HDX: variants seen among roughly 807,000 people sequenced by gnomAD.
HDX encodes highly divergent homeobox.
In HDX, 19 loss-of-function variants were observed where a neutral mutation model predicts 45.2. The observed-to-expected ratio is 0.42, with a 90% CI of 0.29 to 0.62. The LOEUF (loss-of-function observed/expected upper bound fraction) is 0.62. Ranked by LOEUF, HDX falls within the 20% of genes least tolerant of loss-of-function variation. The pLI, the probability that HDX is intolerant of heterozygous loss-of-function variation, is 0.20. For missense variants in HDX, 532 were observed against 493.9 expected (o/e 1.08, Z -0.73); for synonymous variants, 188 against 172.8 (o/e 1.09, Z -0.69).
chrX:84,428,492 G>A (rs759428774), intron 5 of HDX, among the ~76,000 whole-genome samples: 6 of 110,321 alleles, frequency 5.4e-5, no homozygotes, highest in South Asian at 3.7e-4. Context: ...TTTGTCTTTC[G>A]CGGACATTTT....
chrX:84,448,398 TG>T (rs200049798), intron 4 of HDX, among the ~76,000 whole-genome samples: 2,342 of 110,808 alleles, frequency 0.021, 26 homozygotes, highest in Middle Eastern at 0.069. Flanking sequence ...TATACTGCCC[TG>T]GGGCCCAAGG....
chrX:84,322,291 T>G (rs759464264), intron 10 of HDX, among the ~76,000 whole-genome samples: 2 of 110,816 alleles, frequency 1.8e-5, no homozygotes, highest in African/African-American at 6.5e-5. Context: ...CTGAACCAAG[T>G]GCTTTGAAGT....
At position 84,429,979 on chromosome X, in the gene HDX, T is replaced by C. The variant is rs1341332325; in HGVS notation, c.1305+10553A>G. On this transcript the variant is annotated intron_variant, in intron 5 of 10. Coordinates refer to ENST00000373177, the MANE Select transcript of HDX (RefSeq NM_001177479.2). ...TCATGTATAGTGATCAGATCAGTGTTATTATCATATCCATCCTCTCAAATA... is the reference window on the plus strand; with the variant it reads ...TCATGTATAGTGATCAGATCAGTGTCATTATCATATCCATCCTCTCAAATA... 2.7e-5 allele frequency among the ~76,000 whole-genome samples: 3 copies of C among 110,880 alleles called. No individual in the cohort carries two copies. In the East Asian group the frequency reaches 8.4e-4, roughly 31 times the overall value.
At chrX:84,414,771 T>C (rs763843591) in intron 5 of HDX, among the ~76,000 whole-genome samples, 2 of 112,021 alleles carry the variant, frequency 1.8e-5, no homozygotes, top group Non-Finnish European at 3.8e-5. Context: ...TCAACCATTG[T>C]GACTCTGTGT....
chrX:84,380,499 A>C (rs1237441353), intron 5 of HDX, among the ~76,000 whole-genome samples: 1 of 111,555 alleles, frequency 9.0e-6, no homozygotes, highest in Non-Finnish European at 1.9e-5. Context: ...AAGAGAATTC[A>C]ACCAAATATT....
intron 5 of HDX, among the ~76,000 whole-genome samples, chrX:84,400,590 G>T (rs1175445518): frequency 9.0e-6 from 1 of 110,834 alleles, no homozygotes; most frequent in African/African-American, 3.3e-5. Context: ...TATCCTCATG[G>T]ATAGGAATAA....
chrX:84,457,340 G>T (rs2040134303), intron 4 of HDX, among the ~76,000 whole-genome samples: 1 of 111,376 alleles, frequency 9.0e-6, no homozygotes, highest in Non-Finnish European at 1.9e-5. Context: ...ATAAAATACT[G>T]CTAAAGAAGA....
At chrX:84,474,252 A>T (rs1041368078) in intron 3 of HDX, among the ~76,000 whole-genome samples, 6 of 111,913 alleles carry the variant, frequency 5.4e-5, no homozygotes, top group Non-Finnish European at 7.5e-5. Context: ...AGATCCGGCC[A>T]CTGCACTTCA....
At chrX:84,370,670 C>T (rs947302507) in intron 5 of HDX, among the ~76,000 whole-genome samples, 5 of 111,810 alleles carry the variant, frequency 4.5e-5, no homozygotes, top group Non-Finnish European at 7.5e-5. Context: ...TGACATTGCT[C>T]GGCTAACATT....
intron 5 of HDX, among the ~76,000 whole-genome samples, chrX:84,410,594 T>C (rs1227425147): frequency 8.9e-6 from 1 of 111,793 alleles, no homozygotes; most frequent in Non-Finnish European, 1.9e-5. Context: ...TATTTGCATG[T>C]ATGTTCATCA....
At chrX:84,466,293 G>C (rs976829497) in intron 4 of HDX, among the ~76,000 whole-genome samples, 2 of 111,970 alleles carry the variant, frequency 1.8e-5, no homozygotes, top group Admixed American at 9.5e-5. Flanking sequence ...GCCTTGCATA[G>C]ATTTTTTTTT....
At chrX:84,345,169 A>T (rs2037171155) in intron 6 of HDX, among the ~76,000 whole-genome samples, 1 of 111,533 alleles carries the variant, frequency 9.0e-6, no homozygotes, top group African/African-American at 3.3e-5. Flanking sequence ...AGTTTCAAAG[A>T]TAAGTCTTGT....
At chrX:84,475,121 T>C in intron 3 of HDX, 130 bp downstream of exon 3, 1 of 488,498 alleles carries the variant, frequency 2.0e-6, no homozygotes, top group Non-Finnish European at 3.5e-6. Flanking sequence ...TAAAATAGTA[T>C]TGTTATACCA....
At chrX:84,364,289 G>A (rs1225550636) in intron 5 of HDX, among the ~76,000 whole-genome samples, 1 of 109,943 alleles carries the variant, frequency 9.1e-6, no homozygotes, top group Non-Finnish European at 1.9e-5. Context: ...CAATTGGCAT[G>A]ATACTACAAA....
intron 6 of HDX, among the ~76,000 whole-genome samples, chrX:84,352,328 A>G (rs1242136493): frequency 8.9e-6 from 1 of 112,082 alleles, no homozygotes; most frequent in East Asian, 2.8e-4. Context: ...AGTTTGAAAC[A>G]CATGAATTAC....
intron 5 of HDX, among the ~76,000 whole-genome samples, chrX:84,395,049 G>T (rs989700384): frequency 5.4e-5 from 6 of 110,730 alleles, no homozygotes; most frequent in Non-Finnish European, 1.1e-4. Context: ...TTGATTTCTG[G>T]TTGTTTTGCA....
At chrX:84,433,550 C>T (rs1234831511) in intron 5 of HDX, among the ~76,000 whole-genome samples, 1 of 111,220 alleles carries the variant, frequency 9.0e-6, no homozygotes, top group East Asian at 2.8e-4. Flanking sequence ...TCTATGTGTT[C>T]GTTTTTATAT....
chrX:84,471,244 AATAGATAGATAG>A (rs200160920), intron 3 of HDX, among the ~76,000 whole-genome samples: 40 of 97,360 alleles, frequency 4.1e-4, no homozygotes, highest in Admixed American at 1.4e-3. Flanking sequence ...GTGTTCTCTC[AATAGATAGATAG>A]ATAGATAGAT....
intron 5 of HDX, among the ~76,000 whole-genome samples, chrX:84,371,790 T>A (rs958714228): frequency 1.8e-5 from 2 of 111,260 alleles, no homozygotes; most frequent in African/African-American, 6.5e-5. Flanking sequence ...AATTATTCGT[T>A]AATGAAATTA....
Sources: allele counts gnomAD v4.1 joint callset (sites outside exome capture counted in the v4.1 genomes callset), GRCh38; gene constraint gnomAD v4.1.1; transcripts MANE v1.5; gene names NCBI Gene and HGNC (gene_info 2026-07-23, HGNC 2026-07-21).